Variants in CLSPN observed in about 807,000 individuals in gnomAD.
CLSPN encodes claspin homolog.
In CLSPN, 85 loss-of-function variants were observed where a neutral mutation model predicts 156.3. The ratio of observed to expected loss-of-function variants is 0.54; its 90% confidence interval spans 0.46 to 0.65. The LOEUF (loss-of-function observed/expected upper bound fraction) is 0.65, where lower values mean the gene tolerates loss of function less well. Among genes scored for constraint, CLSPN ranks in the 30% least tolerant of loss-of-function variants. The probability of loss-of-function intolerance (pLI) is 0.00; values close to 1 mark genes in which losing one functional copy is unlikely to be tolerated. For missense variants in CLSPN, 1,407 were observed against 1,554.9 expected, an observed-to-expected ratio of 0.90 and a Z score of 1.60; for synonymous variants, 534 against 542.4, an observed-to-expected ratio of 0.98 and a Z score of 0.22.
At chr1:35,765,389 G>A in intron 1 of CLSPN, 63 bp from the exon 2 acceptor site, 1 of 1,079,280 alleles carries the variant, frequency 9.3e-7, no homozygotes, top group Non-Finnish European at 1.4e-6. Context: ...AGTACATAAT[G>A]ACACACAAAT....
chr1:35,747,967 G>A lies in CLSPN; in HGVS notation c.2567C>T (p.Ala856Val), dbSNP rs1213116123. 6.2e-7 allele frequency: 1 copy of A among 1,614,192 alleles called. No homozygotes were observed. The highest frequency in any genetic ancestry group is 1.7e-5 in the Admixed American group (1 of 60,028). The change falls in exon 14 of 25, where the codon GCA becomes GTA. Residue 856 changes from alanine to valine, a missense_variant. Transcript: ENST00000318121. Reference sequence around the variant, plus strand: ...TTCTAAACAGAACTGGAAGTCTCCTGCTCCTAGGAAAAGTGTCTTAGGCTC... The same window carrying A: ...TTCTAAACAGAACTGGAAGTCTCCTACTCCTAGGAAAAGTGTCTTAGGCTC... ...SPEPKTLFLG[A>V]GDFQFCLEDD...
In CLSPN at chr1:35,739,532, A is replaced by G; in HGVS notation, c.3144-3T>C. On this transcript the variant is annotated splice_polypyrimidine_tract_variant and splice_region_variant and intron_variant, in intron 18 of 24. Coordinates refer to ENST00000318121, the MANE Select transcript of CLSPN (RefSeq NM_022111.4). ...CCTCCAGGTATTTCCTCAACCTCCT[A>G]GAAAGCAATTTTGAGGATTAGAAAA... is the stretch of plus-strand genomic sequence containing the variant. 2 of 1,609,100 alleles carry G rather than the reference A, an allele frequency of 1.2e-6. No individual in the cohort carries two copies. The highest frequency in any genetic ancestry group is 8.5e-7 in the Non-Finnish European group (1 of 1,178,126).
intron 22 of CLSPN, 66 bp downstream of exon 22, chr1:35,737,926 G>T: frequency 1.2e-6 from 1 of 866,840 alleles, no homozygotes; most frequent in Non-Finnish European, 1.7e-6. Context: ...GAAGGTTAGA[G>T]TCACCTCCAA....
At position 35,733,846 on chromosome 1, in the gene CLSPN, A is replaced by G; in HGVS notation, c.*2650T>C. 2.0e-6 allele frequency: 1 copy of G among 505,246 alleles called. No individual in the cohort carries two copies. Among genetic ancestry groups the G allele is most frequent in the African/African-American group, 2.1e-5 (1 of 47,938 alleles). The allele number at this position is 505,246 out of a possible 1,614,324, so 31.3% of individuals were successfully genotyped here. A position where few individuals can be genotyped will look rare whatever the true frequency, so the allele number is the denominator to read the frequency against. On this transcript the variant is annotated 3_prime_UTR_variant, in exon 25 of 25. Coordinates refer to ENST00000318121, the MANE Select transcript of CLSPN (RefSeq NM_022111.4). ...AAAATAATTAGCTGGGCATGGTGGCATATGCCTGTAATGTGGCCCAGCTAT... is the reference window on the plus strand; with the variant it reads ...AAAATAATTAGCTGGGCATGGTGGCGTATGCCTGTAATGTGGCCCAGCTAT...
intron 18 of CLSPN, 55 bp downstream of exon 18, chr1:35,743,086 C>A (rs1363135968): frequency 1.4e-6 from 2 of 1,390,500 alleles, no homozygotes; most frequent in African/African-American, 1.4e-5. Flanking sequence ...CATGCCTGGC[C>A]TAGTGACCAA....
At chr1:35,722,559 T>C (rs150603986) in intron 24 of CLSPN, among the ~76,000 whole-genome samples, 56 of 151,992 alleles carry the variant, frequency 3.7e-4, no homozygotes, top group Non-Finnish European at 7.4e-4. Flanking sequence ...CTAAAGCTAG[T>C]TATTCCTAAA....
In CLSPN at chr1:35,732,761, C is replaced by T; in HGVS notation, c.*3735G>A. On this transcript the variant is annotated 3_prime_UTR_variant, in exon 25 of 25. Coordinates refer to ENST00000318121, the MANE Select transcript of CLSPN (RefSeq NM_022111.4). ...GGGCTTCAATTTCATTAAAACATAA[C>T]TGATGCTGCTGGCTCAGTGCTTTGG... 1.0e-6 allele frequency: 1 copy of T among 985,390 alleles called. No homozygotes were observed. The highest frequency in any genetic ancestry group is 1.2e-6 in the Non-Finnish European group (1 of 829,936). The allele number at this position is 985,390 out of a possible 1,614,324, so 61.0% of individuals were successfully genotyped here.
chr1:35,765,361 A>T, intron 1 of CLSPN, 35 bp from the exon 2 acceptor site: 1 of 1,453,486 alleles, frequency 6.9e-7, no homozygotes, highest in Non-Finnish European at 9.6e-7. Context: ...ATCAACCAGC[A>T]GGTGACCGAA....
At chr1:35,756,211 C>G (rs1418144113) in intron 8 of CLSPN, among the ~76,000 whole-genome samples, 1 of 152,158 alleles carries the variant, frequency 6.6e-6, no homozygotes. Context: ...AGCTGTAAGT[C>G]TGCCTCCTAT....
chr1:35,739,204 T>C lies in CLSPN; in HGVS notation c.3362A>G (p.Tyr1121Cys). ...GCTGTGCAGATCCCCATCAGCAAGG[T>C]ACCTCTCTTGGTATAAACGTAGCTG... ...KRQLRLYQERYLADGDLHSDG... is the reference protein window; with the variant it reads ...KRQLRLYQERCLADGDLHSDG... The change falls in exon 20 of 25, where the codon TAC becomes TGC. Residue 1121 changes from tyrosine to cysteine, a missense_variant. Physicochemically the swap from Tyr to Cys is radical, Grantham distance 194. Transcript: ENST00000318121. 6.2e-7 allele frequency: 1 copy of C among 1,614,192 alleles called. No homozygotes were observed. Among genetic ancestry groups the C allele is most frequent in the Non-Finnish European group, 8.5e-7 (1 of 1,180,028 alleles).
chr1:35,726,286 A>T (rs1641188752), intron 24 of CLSPN, among the ~76,000 whole-genome samples: 1 of 151,712 alleles, frequency 6.6e-6, no homozygotes, highest in Non-Finnish European at 1.5e-5. Context: ...TGGATGAGTT[A>T]ATGGCTGCTA....
At chr1:35,760,202 G>A in intron 8 of CLSPN, 140 bp downstream of exon 8, 1 of 646,906 alleles carries the variant, frequency 1.5e-6, no homozygotes, top group Non-Finnish European at 2.6e-6. Context: ...AAAAGACTCT[G>A]CCCATATCTG....
chr1:35,721,914 G>A (rs1003879510), intron 24 of CLSPN, among the ~76,000 whole-genome samples: 2 of 152,000 alleles, frequency 1.3e-5, no homozygotes, highest in East Asian at 2.0e-4. Context: ...CGAGGCAGGC[G>A]GATCACTTGA....
Position 35,743,178 on chromosome 1 carries a change from C to T in CLSPN, c.3106G>A (p.Glu1036Lys). The T allele has an allele frequency of 6.2e-7, 1 of 1,613,744 alleles. No homozygotes were observed. Among genetic ancestry groups the T allele is most frequent in the Non-Finnish European group, 8.5e-7 (1 of 1,179,830 alleles). Residue 1036 changes from glutamate (E) to lysine (K), a missense_variant, in exon 18 of 25, where the codon GAA becomes AAA. This residue lies in a region of CLSPN where 1,096 missense variants were observed against 1,193.0 expected (regional missense o/e 0.92). Coordinates refer to ENST00000318121, the MANE Select transcript of CLSPN (RefSeq NM_022111.4). Reference sequence around the variant, plus strand: ...AACTTCTCAGATCGCTTCAGGAGTTCTTCTTCATCATCATCTTCATGGTCT... The same window carrying T: ...AACTTCTCAGATCGCTTCAGGAGTTTTTCTTCATCATCATCTTCATGGTCT... ...LEDHEDDDEE[E>K]LLKRSEKLKR...
chr1:35,769,816 GC>G, intron 1 of CLSPN, 30 bp downstream of exon 1: 2 of 1,584,280 alleles, frequency 1.3e-6, no homozygotes, highest in East Asian at 2.4e-5. Context: ...GGCCTTCTAA[GC>G]CCCCGTGGGG....
At chr1:35,736,716 A>G in intron 24 of CLSPN, 110 bp from the exon 25 acceptor site, 1 of 1,444,516 alleles carries the variant, frequency 6.9e-7, no homozygotes, top group East Asian at 2.4e-5. Flanking sequence ...AACAGAAAAA[A>G]AGAAAGAAAG....
At chr1:35,765,446 G>T in intron 1 of CLSPN, 120 bp from the exon 2 acceptor site, 1 of 626,338 alleles carries the variant, frequency 1.6e-6, no homozygotes, top group Non-Finnish European at 2.8e-6. Context: ...CAAATACAAT[G>T]GTTCCTTGAA....
chr1:35,758,475 T>C (rs933453373), intron 8 of CLSPN, among the ~76,000 whole-genome samples: 1 of 152,066 alleles, frequency 6.6e-6, no homozygotes, highest in Non-Finnish European at 1.5e-5. Flanking sequence ...TGAAACCCTG[T>C]CTCTACTAAA....
intron 24 of CLSPN, 83 bp from the exon 25 acceptor site, chr1:35,736,689 A>G: frequency 6.6e-7 from 1 of 1,510,806 alleles, no homozygotes; most frequent in South Asian, 1.4e-5. Flanking sequence ...GCAACTCATA[A>G]ATTGTGGATG....
Sources: allele counts gnomAD v4.1 joint callset (sites outside exome capture counted in the v4.1 genomes callset), GRCh38; gene constraint gnomAD v4.1.1; regional missense constraint gnomAD v4.1.1; transcripts MANE v1.5; gene names NCBI Gene and HGNC (gene_info 2026-07-23, HGNC 2026-07-21).